The following RBFOX3 variants were observed in gnomAD, a reference collection of about 807,000 sequenced individuals.
RBFOX3 encodes the protein RNA binding protein fox-1 homolog 3.
In RBFOX3, 17 loss-of-function variants were observed where a neutral mutation model predicts 48.7. The observed-to-expected ratio is 0.35, with a 90% CI of 0.24 to 0.52. The LOEUF is 0.52. Among genes scored for constraint, RBFOX3 ranks in the 20% least tolerant of loss-of-function variants. RBFOX3 has a pLI of 0.94. For missense variants in RBFOX3, 382 were observed against 497.5 expected (o/e 0.77, Z 2.21); for synonymous variants, 212 against 209.5 (o/e 1.01, Z -0.10).
intron 1 of RBFOX3, among the ~76,000 whole-genome samples, chr17:79,501,793 C>G (rs1166889643): frequency 6.6e-6 from 1 of 152,238 alleles, no homozygotes; most frequent in Non-Finnish European, 1.5e-5. Context: ...AACAACTGAC[C>G]TGTCCCACAA....
chr17:79,477,307 A>T lies in RBFOX3; in HGVS notation c.-175+5147T>A, dbSNP rs1185659158. The stretch of plus-strand genomic sequence containing the variant: ...CGCGGTGGCTCACACCTGTAATCCC[A>T]GCACTTTGGGAGGCCAAGGCAGGTG... On this transcript the variant is annotated intron_variant, in intron 2 of 14. Coordinates refer to ENST00000693108, the MANE Select transcript of RBFOX3 (RefSeq NM_001350451.2). This position sits in a 1 kb window ranked among gnomAD's most constrained non-coding sequence, Gnocchi z 4.8. 6.7e-6 allele frequency among the ~76,000 whole-genome samples: 1 copy of T among 149,928 alleles called. No individual in the cohort carries two copies. The highest frequency in any genetic ancestry group is 1.5e-5 in the Non-Finnish European group (1 of 67,676).
chr17:79,444,808 T>C (rs553024040), intron 2 of RBFOX3, among the ~76,000 whole-genome samples: 60 of 152,236 alleles, frequency 3.9e-4, no homozygotes, highest in Non-Finnish European at 7.2e-4. Context: ...CAGTTATATA[T>C]ATGCAAATAT....
intron 4 of RBFOX3, among the ~76,000 whole-genome samples, chr17:79,123,057 A>G (rs1045245395): frequency 6.6e-6 from 1 of 152,058 alleles, no homozygotes; most frequent in Non-Finnish European, 1.5e-5. Context: ...CAGAGGCTGG[A>G]AAGACGAGGG....
rs1362536104 is a variant in RBFOX3, at chr17:79,252,748, C to T, written c.-73-16943G>A. 6.6e-6 allele frequency among the ~76,000 whole-genome samples: 1 copy of T among 152,218 alleles called. No homozygotes were observed. The highest frequency in any genetic ancestry group is 1.9e-4 in the East Asian group (1 of 5,200). ...TCTGGCTGTGTTGACCACTCCCAGC[C>T]AACTGCCCCTCTCAATGCCCCTCTC... On this transcript the variant is annotated intron_variant, in intron 3 of 14. Transcript: ENST00000693108. This position sits in a 1 kb window ranked among gnomAD's most constrained non-coding sequence, Gnocchi z 4.0.
chr17:79,499,602 CA>C, intron 1 of RBFOX3, among the ~76,000 whole-genome samples: 1 of 152,336 alleles, frequency 6.6e-6, no homozygotes, highest in South Asian at 2.1e-4. Flanking sequence ...GCTTGGGTAT[CA>C]GATAATCCTG....
At chr17:79,123,674 G>A (rs536501916) in intron 4 of RBFOX3, among the ~76,000 whole-genome samples, 9 of 152,174 alleles carry the variant, frequency 5.9e-5, no homozygotes, top group African/African-American at 1.2e-4. Context: ...CCATCTCATC[G>A]AATCCCCACA....
intron 1 of RBFOX3, among the ~76,000 whole-genome samples, chr17:79,487,841 G>C (rs971707389): frequency 6.8e-6 from 1 of 146,722 alleles, no homozygotes; most frequent in African/African-American, 2.5e-5. Context: ...GAACCCAGGA[G>C]GCGGAGCTTG....
the RBFOX3 span, among the ~76,000 whole-genome samples, chr17:79,623,604 A>G: frequency 6.6e-6 from 1 of 152,164 alleles, no homozygotes; most frequent in Non-Finnish European, 1.5e-5. Flanking sequence ...GCTTGAGGTC[A>G]GGAGTTTGAG....
intron 4 of RBFOX3, among the ~76,000 whole-genome samples, chr17:79,201,847 C>CAGA (rs1464629465): frequency 6.6e-6 from 1 of 152,200 alleles, no homozygotes; most frequent in African/African-American, 2.4e-5. Context: ...TGACGAAGAG[C>CAGA]CTGGGGCAGA....
chr17:79,630,304 C>A, the RBFOX3 span, among the ~76,000 whole-genome samples: 1 of 152,212 alleles, frequency 6.6e-6, no homozygotes, highest in African/African-American at 2.4e-5. Flanking sequence ...CACCTCCGTG[C>A]CCAGACTGGA....
Position 79,361,340 on chromosome 17 carries a change from CCCGCT to C in RBFOX3, c.-174-53521_-174-53517del, listed in dbSNP as rs1343250652. On this transcript the variant is annotated intron_variant, in intron 2 of 14. Transcript: ENST00000693108. This position sits in a 1 kb window ranked among gnomAD's most constrained non-coding sequence, Gnocchi z 4.5. ...TCTGAGACGCTCATCGAGGTGCTTA[CCCGCT>C]AACAGCTCTGTGCAGGTGGCATGAG... Among the ~76,000 whole-genome samples the C allele has an allele frequency of 3.9e-5, 6 of 152,216 alleles. No individual in the cohort carries two copies. Among genetic ancestry groups the C allele is most frequent in the African/African-American group, 1.4e-4 (6 of 41,454 alleles).
chr17:79,368,308 C>G (rs1462793912), intron 2 of RBFOX3, among the ~76,000 whole-genome samples: 2 of 152,216 alleles, frequency 1.3e-5, no homozygotes, highest in African/African-American at 2.4e-5. Context: ...GAGACCTCCC[C>G]CTCCACCAGC....
At chr17:79,602,032 T>C (rs1254588809) in intron 1 of RBFOX3, 4 of 152,370 alleles carry the variant, frequency 2.6e-5, no homozygotes, top group Non-Finnish European at 5.9e-5. Context: ...GTTAAAAGCA[T>C]GCAGATTCTA....
At chr17:79,245,243 T>G (rs1003663746) in intron 3 of RBFOX3, among the ~76,000 whole-genome samples, 7 of 152,086 alleles carry the variant, frequency 4.6e-5, no homozygotes, top group African/African-American at 1.7e-4. Context: ...CGGCTCATTT[T>G]TGGGTTTCAC....
chr17:79,301,017 T>A (rs969905350), intron 3 of RBFOX3, among the ~76,000 whole-genome samples: 1 of 152,170 alleles, frequency 6.6e-6, no homozygotes, highest in East Asian at 1.9e-4. Context: ...CCCTTTTTCC[T>A]CACCATCACC....
At chr17:79,151,837 G>C (rs2059778906) in intron 4 of RBFOX3, among the ~76,000 whole-genome samples, 1 of 49,184 alleles carries the variant, frequency 2.0e-5, no homozygotes, top group Non-Finnish European at 4.2e-5. Context: ...GGGGAGGAGG[G>C]GAGGCGAGGG....
chr17:79,265,279 G>T (rs2066504635), intron 3 of RBFOX3, among the ~76,000 whole-genome samples: 1 of 152,212 alleles, frequency 6.6e-6, no homozygotes, highest in Admixed American at 6.5e-5. Flanking sequence ...CCTCCCCGAA[G>T]CCGGCCCTGG....
intron 3 of RBFOX3, among the ~76,000 whole-genome samples, chr17:79,237,478 G>A (rs2061769559): frequency 6.6e-6 from 1 of 152,194 alleles, no homozygotes; most frequent in African/African-American, 2.4e-5. Context: ...CAGCTGGCCC[G>A]TCCCCCAGAG....
At chr17:79,515,187 A>G (rs1227899060) in intron 1 of RBFOX3, among the ~76,000 whole-genome samples, 1 of 152,314 alleles carries the variant, frequency 6.6e-6, no homozygotes, top group Admixed American at 6.5e-5. Flanking sequence ...ACTCAAGCCA[A>G]GTGCTGAGCT....
Sources: allele counts gnomAD v4.1 joint callset (sites outside exome capture counted in the v4.1 genomes callset), GRCh38; gene constraint gnomAD v4.1.1; non-coding constraint Gnocchi (gnomAD v3.1); transcripts MANE v1.5; gene names NCBI Gene and HGNC (gene_info 2026-07-23, HGNC 2026-07-21).